The following ARHGAP26 variants were observed in gnomAD, a reference collection of about 807,000 sequenced individuals.
The protein encoded by ARHGAP26 is Rho GTPase activating protein 26.
In ARHGAP26, 38 loss-of-function variants were observed where a neutral mutation model predicts 104.8. That is an observed-to-expected ratio of 0.36 (90% CI 0.28 to 0.48). The LOEUF (loss-of-function observed/expected upper bound fraction) is 0.48, where lower values mean the gene tolerates loss of function less well. Among genes scored for constraint, ARHGAP26 ranks in the 20% least tolerant of loss-of-function variants. ARHGAP26 has a pLI of 0.99. For synonymous variants in ARHGAP26, 341 were observed against 340.0 expected, an observed-to-expected ratio of 1.00 and a Z score of -0.03; for missense variants, 704 against 947.9, an observed-to-expected ratio of 0.74 and a Z score of 3.38.
At chr5:143,215,968 CCTAGGAGTGGGATT>C (rs1562629024) in intron 22 of ARHGAP26, among the ~76,000 whole-genome samples, 2 of 152,086 alleles carry the variant, frequency 1.3e-5, no homozygotes, top group Non-Finnish European at 2.9e-5. Context: ...TGGGGATATA[CCTAGGAGTGGGATT>C]GCAGGGTCAT....
intron 6 of ARHGAP26, among the ~76,000 whole-genome samples, chr5:142,900,557 T>G (rs1760164424): frequency 6.8e-6 from 1 of 147,890 alleles, no homozygotes; most frequent in Non-Finnish European, 1.5e-5. Flanking sequence ...GGTCCAGTGC[T>G]ATATACTTTT....
At chr5:143,107,470 CT>C (rs1435971355) in intron 17 of ARHGAP26, among the ~76,000 whole-genome samples, 2 of 152,176 alleles carry the variant, frequency 1.3e-5, no homozygotes, top group African/African-American at 4.8e-5. Flanking sequence ...ATTTCTCCCC[CT>C]ATCTCAGCTG....
At chr5:142,819,124 G>C (rs1223809939) in intron 1 of ARHGAP26, among the ~76,000 whole-genome samples, 2 of 152,176 alleles carry the variant, frequency 1.3e-5, no homozygotes, top group East Asian at 3.8e-4. Flanking sequence ...AGGGCAGCTG[G>C]TGTCTCCTCT....
At chr5:143,113,822 T>C (rs1795067874) in intron 17 of ARHGAP26, among the ~76,000 whole-genome samples, 1 of 152,214 alleles carries the variant, frequency 6.6e-6, no homozygotes, top group South Asian at 2.1e-4. Flanking sequence ...CACTGATTTT[T>C]CCCCTACGGT....
intron 20 of ARHGAP26, among the ~76,000 whole-genome samples, chr5:143,162,284 T>TACACACACACACACACAC (rs34577770): frequency 6.1e-5 from 9 of 147,330 alleles, no homozygotes; most frequent in African/African-American, 2.3e-4. Context: ...AACACACACA[T>TACACACACACACACACAC]ACACACACAC....
In ARHGAP26 at chr5:142,906,406, G is replaced by T. The variant is rs926110502; in HGVS notation, c.833-1298G>T. 5.3e-5 allele frequency among the ~76,000 whole-genome samples: 8 copies of T among 152,262 alleles called. No individual in the cohort carries two copies. The South Asian group carries it at 6.2e-4, about 12-fold the overall frequency. On this transcript the variant is annotated intron_variant, in intron 8 of 22. Coordinates refer to ENST00000645722, the MANE Select transcript of ARHGAP26 (RefSeq NM_001135608.3). ...ATCTTTACTATGATGGTTGCAAAAT[G>T]GTGACTTCTCAGTTCCACCAACCCC...
At chr5:143,222,088 T>C (rs1811236052) in intron 22 of ARHGAP26, among the ~76,000 whole-genome samples, 1 of 152,214 alleles carries the variant, frequency 6.6e-6, no homozygotes, top group South Asian at 2.1e-4. Flanking sequence ...CACAAAATTT[T>C]GTATGTCTGT....
rs1037257730 is a variant in ARHGAP26 at position 143,222,546 on chromosome 5, G to A, written c.*100G>A. 8.1e-5 allele frequency: 75 copies of A among 920,250 alleles called. No homozygotes were observed. Among genetic ancestry groups the A allele is most frequent in the Admixed American group, 1.4e-4 (5 of 36,926 alleles). 57.0% of individuals were successfully genotyped at this position (920,250 alleles called of 1,614,324 possible). ...TCTCTTTGCCACTGAGAAATGCAGCGTGACTGACTCTGTTGCTACCTGTCA... is the reference window on the plus strand; with the variant it reads ...TCTCTTTGCCACTGAGAAATGCAGCATGACTGACTCTGTTGCTACCTGTCA... On this transcript the variant is annotated 3_prime_UTR_variant, in exon 23 of 23. Transcript: ENST00000645722.
At chr5:143,167,470 A>G in intron 20 of ARHGAP26, among the ~76,000 whole-genome samples, 1 of 130,584 alleles carries the variant, frequency 7.7e-6, no homozygotes, top group African/African-American at 2.8e-5. Context: ...ATGACAGAGC[A>G]AGACTCCATC....
At chr5:143,010,932 T>C (rs1778633068) in intron 11 of ARHGAP26, 1 of 152,176 alleles carries the variant, frequency 6.6e-6, no homozygotes, top group African/African-American at 2.4e-5. Context: ...CTTGCCAAAG[T>C]GTGGTCTTCT....
At chr5:143,153,460 G>A (rs1403360086) in intron 20 of ARHGAP26, among the ~76,000 whole-genome samples, 7 of 152,202 alleles carry the variant, frequency 4.6e-5, no homozygotes, top group Non-Finnish European at 8.8e-5. Flanking sequence ...ACAGTGACCA[G>A]TGGGGCATCA....
chr5:142,957,109 C>G (rs1205382770), intron 11 of ARHGAP26, among the ~76,000 whole-genome samples: 1 of 152,108 alleles, frequency 6.6e-6, no homozygotes, highest in African/African-American at 2.4e-5. Flanking sequence ...AGAGAAAACA[C>G]AGGAGTTGAT....
At chr5:142,778,972 T>C (rs1013658120) in intron 1 of ARHGAP26, among the ~76,000 whole-genome samples, 2 of 151,482 alleles carry the variant, frequency 1.3e-5, no homozygotes, top group African/African-American at 4.9e-5. Context: ...TGTGTGTGTA[T>C]GTGTGCCAGG....
intron 13 of ARHGAP26, among the ~76,000 whole-genome samples, chr5:143,038,386 G>T (rs937743700): frequency 1.7e-4 from 26 of 152,130 alleles, no homozygotes; most frequent in African/African-American, 5.8e-4. Flanking sequence ...AAAATGTTCA[G>T]TTATTTCCCC....
chr5:143,096,603 T>A (rs1792348948), intron 17 of ARHGAP26, among the ~76,000 whole-genome samples: 1 of 152,180 alleles, frequency 6.6e-6, no homozygotes, highest in Admixed American at 6.5e-5. Flanking sequence ...CTTTCCTCCT[T>A]CGTTATTATA....
At chr5:143,094,385 G>T (rs771102975) in intron 17 of ARHGAP26, among the ~76,000 whole-genome samples, 1 of 152,036 alleles carries the variant, frequency 6.6e-6, no homozygotes, top group Non-Finnish European at 1.5e-5. Flanking sequence ...GTTATTCCTC[G>T]CACTGGGTGG....
chr5:142,868,072 C>T (rs1754642629), intron 1 of ARHGAP26: 1 of 152,206 alleles, frequency 6.6e-6, no homozygotes, highest in Non-Finnish European at 1.5e-5. Flanking sequence ...GGAGGCATTA[C>T]TTGAAGAGAA....
chr5:143,043,082 C>T (rs1783711693), intron 14 of ARHGAP26, among the ~76,000 whole-genome samples: 1 of 152,194 alleles, frequency 6.6e-6, no homozygotes, highest in Non-Finnish European at 1.5e-5. Context: ...TAACATCTTG[C>T]AAAACACAAT....
intron 17 of ARHGAP26, among the ~76,000 whole-genome samples, 186 bp from the exon 18 acceptor site, chr5:143,120,802 C>A (rs762992942): frequency 6.6e-6 from 1 of 152,098 alleles, no homozygotes; most frequent in Non-Finnish European, 1.5e-5. Flanking sequence ...AGCAAAATAG[C>A]CTGGATGCTG....
Sources: gnomAD v4.1 joint callset for allele counts (sites outside exome capture counted in the v4.1 genomes callset) on GRCh38, gnomAD v4.1.1 for gene constraint, MANE v1.5 for transcripts, NCBI Gene and HGNC (gene_info 2026-07-23, HGNC 2026-07-21) for gene names.